ZRANB3: variants seen among roughly 807,000 people sequenced by gnomAD.
ZRANB3 encodes DNA annealing helicase and endonuclease ZRANB3.
A neutral mutation model predicts 133.8 loss-of-function variants in ZRANB3; 125 were observed. The ratio of observed to expected loss-of-function variants is 0.93; its 90% CI spans 0.81 to 1.08. ZRANB3 has a LOEUF of 1.08. Among genes scored for constraint, ZRANB3 ranks in the 50% least tolerant of loss-of-function variants. ZRANB3 has a pLI of 0.00. For missense variants in ZRANB3, 1,229 were observed against 1,275.5 expected (o/e 0.96, Z 0.56); for synonymous variants, 387 against 432.7 (o/e 0.89, Z 1.31).
At chr2:135,516,100 T>C (rs1461876592) in intron 1 of ZRANB3, among the ~76,000 whole-genome samples, 1 of 148,646 alleles carries the variant, frequency 6.7e-6, no homozygotes, top group Non-Finnish European at 1.5e-5. Flanking sequence ...TTGCAACCCC[T>C]GTTTTTTCTT....
intron 19 of ZRANB3, among the ~76,000 whole-genome samples, chr2:135,204,814 T>TCTAA (rs10633398): frequency 0.19 from 28,248 of 147,970 alleles, 3,658 homozygotes; most frequent in African/African-American, 0.34. Flanking sequence ...AAAATCACTC[T>TCTAA]CTAGTCCTAC....
chr2:135,298,138 T>C lies in ZRANB3; in HGVS notation c.966+15351A>G, dbSNP rs141029183. Among the ~76,000 whole-genome samples, 72 of 152,172 alleles carry C rather than the reference T, an allele frequency of 4.7e-4. 2 individuals carry two copies. The East Asian group carries it at 0.014, about 29-fold the overall frequency. On this transcript the variant is annotated intron_variant, in intron 8 of 20. Transcript: ENST00000264159. The stretch of plus-strand genomic sequence containing the variant: ...AGCTACTGGGGAGGCTGAGGCATGA[T>C]AATTGCTTGAACCCGGGAGGCAGAG...
chr2:135,200,123 TC>T lies in ZRANB3; in HGVS notation c.*218del. 1 of 621,088 alleles carries T rather than the reference TC, an allele frequency of 1.6e-6. No homozygotes were observed. Among genetic ancestry groups the T allele is most frequent in the Non-Finnish European group, 2.9e-6 (1 of 347,100 alleles). 38.5% of individuals were successfully genotyped at this position (621,088 alleles called of 1,614,324 possible). On this transcript the variant is annotated 3_prime_UTR_variant, in exon 21 of 21. Coordinates refer to ENST00000264159, the MANE Select transcript of ZRANB3 (RefSeq NM_032143.4). ...AACATAATTGCGAGTCTGAATCAAA[TC>T]AAAAAGACCACAGAAATATTCAGTA... is the stretch of plus-strand genomic sequence containing the variant.
At chr2:135,443,192 C>T (rs1689860064) in intron 2 of ZRANB3, among the ~76,000 whole-genome samples, 1 of 151,100 alleles carries the variant, frequency 6.6e-6, no homozygotes, top group African/African-American at 2.4e-5. Context: ...TACTATGCAG[C>T]CATAAAAAAG....
intron 2 of ZRANB3, among the ~76,000 whole-genome samples, chr2:135,413,694 A>G (rs1688417967): frequency 6.6e-6 from 1 of 152,144 alleles, no homozygotes; most frequent in African/African-American, 2.4e-5. Flanking sequence ...GCAACAGACT[A>G]ATTTGATACG....
In ZRANB3 at chr2:135,199,026, CTT is replaced by C. The variant is rs1558821752; in HGVS notation, c.*1314_*1315del. 1 of 152,202 alleles carries C rather than the reference CTT, an allele frequency of 6.6e-6. No individual in the cohort carries two copies. Among genetic ancestry groups the C allele is most frequent in the Non-Finnish European group, 1.5e-5 (1 of 68,050 alleles). The allele number at this position is 152,202 out of a possible 1,614,324, so 9.4% of individuals were successfully genotyped here. On this transcript the variant is annotated 3_prime_UTR_variant, in exon 21 of 21. Coordinates refer to ENST00000264159, the MANE Select transcript of ZRANB3 (RefSeq NM_032143.4). ...TCCTGTATTTTGTATAGTTCTGACTCTTTGCCCTCATGATTCTGACATATTGC... is the reference window on the plus strand; with the variant it reads ...TCCTGTATTTTGTATAGTTCTGACTCTGCCCTCATGATTCTGACATATTGC...
chr2:135,272,673 C>T (rs1049717900), intron 9 of ZRANB3, among the ~76,000 whole-genome samples: 1 of 151,716 alleles, frequency 6.6e-6, no homozygotes, highest in Non-Finnish European at 1.5e-5. Flanking sequence ...TCATCGCTCC[C>T]GGCTGGAAAA....
At chr2:135,365,940 T>C (rs1411748494) in intron 3 of ZRANB3, among the ~76,000 whole-genome samples, 1 of 152,224 alleles carries the variant, frequency 6.6e-6, no homozygotes, top group Non-Finnish European at 1.5e-5. Context: ...CACATAAAAT[T>C]ATGGTGGAAG....
intron 2 of ZRANB3, among the ~76,000 whole-genome samples, chr2:135,448,197 A>C (rs1328148329): frequency 6.6e-6 from 1 of 152,218 alleles, no homozygotes; most frequent in Non-Finnish European, 1.5e-5. Flanking sequence ...CAAATAGCCT[A>C]AGTAGATAAG....
At chr2:135,510,618 T>C (rs1693409479) in intron 1 of ZRANB3, 6 of 767,048 alleles carry the variant, frequency 7.8e-6, no homozygotes, top group Non-Finnish European at 1.2e-5. Flanking sequence ...GAGGAGGGCC[T>C]CTCATTCCAC....
chr2:135,513,022 C>T lies in ZRANB3; in HGVS notation c.-7-8526G>A, dbSNP rs1693537357. 2.0e-5 allele frequency among the ~76,000 whole-genome samples: 3 copies of T among 152,002 alleles called. No homozygotes were observed. The South Asian group carries it at 6.2e-4, about 32-fold the overall frequency. On this transcript the variant is annotated intron_variant, in intron 1 of 20. Coordinates refer to ENST00000264159, the MANE Select transcript of ZRANB3 (RefSeq NM_032143.4). ...TTTCAAGCTCATTGTGTGAAGCCAG[C>T]CTAAACAATCTCACAAGCACATTAC...
At chr2:135,308,611 T>C (rs1035413235) in intron 8 of ZRANB3, among the ~76,000 whole-genome samples, 17 of 152,280 alleles carry the variant, frequency 1.1e-4, no homozygotes, top group African/African-American at 3.6e-4. Flanking sequence ...TTCTTTTTTG[T>C]TTGTTTTGTC....
chr2:135,385,621 T>C (rs1294972890), intron 3 of ZRANB3, among the ~76,000 whole-genome samples: 1 of 152,180 alleles, frequency 6.6e-6, no homozygotes, highest in East Asian at 1.9e-4. Context: ...AACAGCATGG[T>C]AGTGGTACCA....
chr2:135,516,163 G>C (rs967344982), intron 1 of ZRANB3, among the ~76,000 whole-genome samples: 4 of 149,252 alleles, frequency 2.7e-5, no homozygotes, highest in African/African-American at 9.9e-5. Context: ...CCTTTATTTT[G>C]AGCCTATGTG....
rs981320386 is a variant in ZRANB3, at chr2:135,458,543, C to T, written c.161+45786G>A. Among the ~76,000 whole-genome samples the T allele has an allele frequency of 3.3e-5, 5 of 152,220 alleles. No individual in the cohort carries two copies. In the East Asian group the frequency reaches 5.8e-4, roughly 18 times the overall value. ...CAGAGAAAAATGATCACATTTATTA[C>T]ATACCACGTTAACCACTTATGAAAT... On this transcript the variant is annotated intron_variant, in intron 2 of 20. Coordinates refer to ENST00000264159, the MANE Select transcript of ZRANB3 (RefSeq NM_032143.4).
At chr2:135,466,647 T>C (rs1382730643) in intron 2 of ZRANB3, among the ~76,000 whole-genome samples, 1 of 151,804 alleles carries the variant, frequency 6.6e-6, no homozygotes, top group Non-Finnish European at 1.5e-5. Flanking sequence ...TATATAAGGA[T>C]CCTTCAGCTT....
chr2:135,507,202 C>T (rs1160287433), intron 1 of ZRANB3, among the ~76,000 whole-genome samples: 1 of 151,962 alleles, frequency 6.6e-6, no homozygotes, highest in Non-Finnish European at 1.5e-5. Context: ...GTTAGTGATG[C>T]AATTGGCTGG....
chr2:135,516,589 T>C (rs1445552113), intron 1 of ZRANB3, among the ~76,000 whole-genome samples: 2 of 152,200 alleles, frequency 1.3e-5, no homozygotes, highest in Non-Finnish European at 2.9e-5. Flanking sequence ...ATGACGAATA[T>C]TGGACCCCAC....
chr2:135,418,691 A>G (rs1201400311), intron 2 of ZRANB3, among the ~76,000 whole-genome samples: 1 of 152,158 alleles, frequency 6.6e-6, no homozygotes, highest in Admixed American at 6.5e-5. Context: ...GAAAATGACG[A>G]AAGACTCAAC....
Sources: gnomAD v4.1 joint callset for allele counts (sites outside exome capture counted in the v4.1 genomes callset) on GRCh38, gnomAD v4.1.1 for gene constraint, MANE v1.5 for transcripts, NCBI Gene and HGNC (gene_info 2026-07-23, HGNC 2026-07-21) for gene names.